PAX2: variants seen among roughly 807,000 people sequenced by gnomAD.
The protein encoded by PAX2 is paired box 2.
In PAX2, 9 loss-of-function variants were observed where a neutral mutation model predicts 41.7. That is an observed-to-expected ratio of 0.22 (90% confidence interval 0.13 to 0.38). The LOEUF is 0.38. PAX2 is among the 10% of genes least tolerant of loss of function. The probability of loss-of-function intolerance (pLI) is 1.00; values close to 1 mark genes in which losing one functional copy is unlikely to be tolerated. For synonymous variants in PAX2, 221 were observed against 212.7 expected (o/e 1.04, Z -0.34); for missense variants, 418 against 531.6 (o/e 0.79, Z 2.10).
rs751733764 is a variant in PAX2 at position 100,749,789 on chromosome 10, C to T, written c.87C>T (p.Asn29=). ...ACCAGCTCGGGGGGGTGTTTGTGAACGGCCGGCCCCTACCCGACGTGGTGA... is the reference window on the plus strand; with the variant it reads ...ACCAGCTCGGGGGGGTGTTTGTGAATGGCCGGCCCCTACCCGACGTGGTGA... ...GVNQLGGVFV[N]GRPLPDVVRQ... The change falls in exon 2 of 10, where the codon AAC becomes AAT. Residue 29 remains asparagine (N), a synonymous_variant. Coordinates refer to ENST00000355243, the MANE Select transcript of PAX2 (RefSeq NM_000278.5). 1.2e-6 allele frequency: 2 copies of T among 1,611,846 alleles called. No individual in the cohort carries two copies. The highest frequency in any genetic ancestry group is 1.1e-5 in the South Asian group (1 of 90,868).
rs59155106 is a variant in PAX2, at chr10:100,755,171, C to A, written c.410+4280C>A. ...TGAAATTCTCATTCCTTAAAATGAG[C>A]TGGAGTTGTCCTCCTGAAAAGCCTC... On this transcript the variant is annotated intron_variant, in intron 3 of 9. Transcript: ENST00000355243. Among the ~76,000 whole-genome samples the A allele has an allele frequency of 7.8e-3, 1,194 of 152,324 alleles. 10 individuals carry two copies. The highest frequency in any genetic ancestry group is 0.027 in the African/African-American group (1,137 of 41,568).
chr10:100,752,138 T>C (rs2133839397), intron 3 of PAX2, among the ~76,000 whole-genome samples: 1 of 152,382 alleles, frequency 6.6e-6, no homozygotes, highest in South Asian at 2.1e-4. Flanking sequence ...ACTCGTGCTG[T>C]AATGTACTGC....
intron 8 of PAX2, chr10:100,825,089 A>G: frequency 2.2e-6 from 2 of 917,162 alleles, no homozygotes; most frequent in South Asian, 1.3e-5. Context: ...GCCAGCTGAC[A>G]CTGCTTGGAA....
At chr10:100,784,585 C>T (rs530683039) in intron 5 of PAX2, among the ~76,000 whole-genome samples, 4 of 152,348 alleles carry the variant, frequency 2.6e-5, no homozygotes, top group Admixed American at 2.6e-4. Context: ...TATTCTTCAG[C>T]TCTAACAATG....
chr10:100,758,120 G>C (rs1037336652), intron 3 of PAX2, among the ~76,000 whole-genome samples: 26 of 151,906 alleles, frequency 1.7e-4, no homozygotes, highest in South Asian at 8.3e-4. Flanking sequence ...GAGCAGGGCA[G>C]GGGGAGCGAG....
At chr10:100,767,645 T>C (rs1315272553) in intron 3 of PAX2, among the ~76,000 whole-genome samples, 1 of 152,174 alleles carries the variant, frequency 6.6e-6, no homozygotes, top group East Asian at 1.9e-4. Flanking sequence ...GCAATTTTAA[T>C]ATTTCTTCAG....
At chr10:100,785,227 G>T (rs1409189862) in intron 5 of PAX2, among the ~76,000 whole-genome samples, 1 of 152,240 alleles carries the variant, frequency 6.6e-6, no homozygotes, top group Non-Finnish European at 1.5e-5. Flanking sequence ...AAAACTGGAA[G>T]TCCTTCGCCT....
intron 3 of PAX2, among the ~76,000 whole-genome samples, chr10:100,779,070 C>T (rs1846503748): frequency 6.6e-6 from 1 of 152,138 alleles, no homozygotes; most frequent in South Asian, 2.1e-4. Flanking sequence ...GGAAAGCCAG[C>T]TCCAAAATGA....
chr10:100,822,891 C>A lies in PAX2; in HGVS notation c.920-1757C>A, dbSNP rs190456243. Among the ~76,000 whole-genome samples, 3 of 152,138 alleles carry A rather than the reference C, an allele frequency of 2.0e-5. 1 individual carries two copies. Among genetic ancestry groups the A allele is most frequent in the African/African-American group, 7.2e-5 (3 of 41,424 alleles). ...ACAGAGTTTCATTTCAAACTATAGA[C>A]TACAGGGAATCAGTAATAGTTTTTA... is the stretch of plus-strand genomic sequence containing the variant. On this transcript the variant is annotated intron_variant, in intron 7 of 9. Transcript: ENST00000355243.
At chr10:100,787,238 G>T (rs948297044) in intron 5 of PAX2, among the ~76,000 whole-genome samples, 1 of 151,978 alleles carries the variant, frequency 6.6e-6, no homozygotes, top group Non-Finnish European at 1.5e-5. Flanking sequence ...GTGGCCTGGA[G>T]GGTCAGGCAC....
intron 6 of PAX2, among the ~76,000 whole-genome samples, chr10:100,807,178 A>T (rs56327778): frequency 0.024 from 3,634 of 152,202 alleles, 95 homozygotes; most frequent in African/African-American, 0.064. Flanking sequence ...CCCAGGACAC[A>T]TAGCATGGGG....
At chr10:100,768,952 C>G (rs1448926203) in intron 3 of PAX2, among the ~76,000 whole-genome samples, 1 of 152,164 alleles carries the variant, frequency 6.6e-6, no homozygotes, top group Non-Finnish European at 1.5e-5. Flanking sequence ...CATTATAATG[C>G]CTTTCATACA....
intron 5 of PAX2, among the ~76,000 whole-genome samples, chr10:100,781,573 C>T (rs899902291): frequency 2.6e-4 from 40 of 152,204 alleles, no homozygotes; most frequent in African/African-American, 8.9e-4. Flanking sequence ...CTCAGCAGCC[C>T]CGGCTGCCTC....
At chr10:100,783,962 T>A (rs1846746177) in intron 5 of PAX2, among the ~76,000 whole-genome samples, 1 of 152,088 alleles carries the variant, frequency 6.6e-6, no homozygotes, top group East Asian at 1.9e-4. Flanking sequence ...GGAGATGTAT[T>A]TTCCCTGGTG....
chr10:100,778,162 G>A (rs925743105), intron 3 of PAX2, among the ~76,000 whole-genome samples: 2 of 152,210 alleles, frequency 1.3e-5, no homozygotes, highest in African/African-American at 4.8e-5. Context: ...AGGCTATGTG[G>A]CTTCTTAAAT....
At chr10:100,765,811 C>G (rs959465270) in intron 3 of PAX2, among the ~76,000 whole-genome samples, 1 of 152,060 alleles carries the variant, frequency 6.6e-6, no homozygotes, top group African/African-American at 2.4e-5. Context: ...ACATACACCT[C>G]TTAATTTGTC....
chr10:100,827,466 T>C lies in PAX2; in HGVS notation c.1109-77T>C. ...TGGACCCCAGCCAGGGGAGGTCTTT[T>C]CTGTGCTTTTCTTTCCTTTTTTGTT... On this transcript the variant is annotated intron_variant, in intron 9 of 9. Coordinates refer to ENST00000355243, the MANE Select transcript of PAX2 (RefSeq NM_000278.5). This position sits in a 1 kb window ranked among gnomAD's most constrained non-coding sequence, Gnocchi z 8.5. The C allele has an allele frequency of 1.4e-6, 2 of 1,463,210 alleles. No homozygotes were observed. Among genetic ancestry groups the C allele is most frequent in the East Asian group, 4.5e-5 (2 of 44,100 alleles). The allele number at this position is 1,463,210 out of a possible 1,614,324, so 90.6% of individuals were successfully genotyped here.
rs1312902622 is a variant in PAX2, at chr10:100,824,902, A to G, written c.1021+153A>G. The G allele has an allele frequency of 6.2e-7, 1 of 1,613,712 alleles. No homozygotes were observed. Among genetic ancestry groups the G allele is most frequent in the South Asian group, 1.1e-5 (1 of 91,066 alleles). ...CTATTCTGTCCCTCTCTCTCCTTAG[A>G]GGCTGCAGTTGGTCCCTCATCCTCC... On this transcript the variant is annotated intron_variant, in intron 8 of 9. Coordinates refer to ENST00000355243, the MANE Select transcript of PAX2 (RefSeq NM_000278.5). This position sits in a 1 kb window ranked among gnomAD's most constrained non-coding sequence, Gnocchi z 6.6.
intron 7 of PAX2, among the ~76,000 whole-genome samples, chr10:100,817,470 G>A (rs547994600): frequency 1.9e-4 from 29 of 152,176 alleles, no homozygotes; most frequent in Admixed American, 4.6e-4. Flanking sequence ...AGGCTACACA[G>A]CCCAGAGGAG....
Sources: gnomAD v4.1 joint callset for allele counts (sites outside exome capture counted in the v4.1 genomes callset) on GRCh38, gnomAD v4.1.1 for gene constraint, Gnocchi (gnomAD v3.1) non-coding constraint, MANE v1.5 for transcripts, NCBI Gene and HGNC (gene_info 2026-07-23, HGNC 2026-07-21) for gene names.